PID1: variants seen among roughly 807,000 people sequenced by gnomAD.
PID1 encodes phosphotyrosine interaction domain containing 1.
In PID1, 10 loss-of-function variants were observed where a neutral mutation model predicts 19.1. The ratio of observed to expected loss-of-function variants is 0.52; its 90% CI spans 0.32 to 0.89. The LOEUF (loss-of-function observed/expected upper bound fraction) is 0.89. PID1 is among the 40% of genes least tolerant of loss of function. The probability of loss-of-function intolerance (pLI) is 0.03; values close to 1 mark genes in which losing one functional copy is unlikely to be tolerated. For synonymous variants in PID1, 130 were observed against 116.0 expected (o/e 1.12, Z -0.78); for missense variants, 248 against 285.3 (o/e 0.87, Z 0.94).
At chr2:229,040,057 A>G (rs188421166) in intron 2 of PID1, among the ~76,000 whole-genome samples, 3 of 151,976 alleles carry the variant, frequency 2.0e-5, no homozygotes, top group African/African-American at 7.2e-5. Flanking sequence ...TCCACGTGTG[A>G]AAAGGAGTGA....
At chr2:229,175,286 A>G (rs936641451) in intron 1 of PID1, among the ~76,000 whole-genome samples, 2 of 152,166 alleles carry the variant, frequency 1.3e-5, no homozygotes, top group African/African-American at 2.4e-5. Flanking sequence ...AGATTCTCAT[A>G]CCACAGTCTG....
chr2:229,065,125 C>T (rs995433339), intron 2 of PID1, among the ~76,000 whole-genome samples: 5 of 152,168 alleles, frequency 3.3e-5, no homozygotes, highest in Non-Finnish European at 1.5e-5. Flanking sequence ...CAAGAAAGAC[C>T]TTGGCTGAAT....
At position 229,033,288 on chromosome 2, in the gene PID1, T is replaced by C. The variant is rs148576380; in HGVS notation, c.178-7180A>G. ...CTGCTTTCCTGGAGTTCTTCGACTT[T>C]CCAAGCTGGATGAGCCCAGCTTCAC... On this transcript the variant is annotated intron_variant, in intron 2 of 2. Coordinates refer to ENST00000392055, the MANE Select transcript of PID1 (RefSeq NM_001100818.2). Among the ~76,000 whole-genome samples the C allele has an allele frequency of 3.5e-3, 538 of 152,312 alleles. 2 individuals are homozygous for C. Among genetic ancestry groups the C allele is most frequent in the Non-Finnish European group, 5.8e-3 (392 of 68,030 alleles).
chr2:229,068,477 A>G (rs771209330), intron 2 of PID1, among the ~76,000 whole-genome samples: 4 of 152,218 alleles, frequency 2.6e-5, no homozygotes, highest in Non-Finnish European at 5.9e-5. Flanking sequence ...GAAAACAAGC[A>G]CACTTTACAA....
At chr2:229,220,635 A>G (rs1691946986) in intron 1 of PID1, among the ~76,000 whole-genome samples, 1 of 152,106 alleles carries the variant, frequency 6.6e-6, no homozygotes, top group East Asian at 1.9e-4. Flanking sequence ...CCCCTGCACA[A>G]CCTGGGTCTT....
At chr2:229,035,725 C>A (rs950843498) in intron 2 of PID1, among the ~76,000 whole-genome samples, 1 of 152,110 alleles carries the variant, frequency 6.6e-6, no homozygotes, top group East Asian at 1.9e-4. Flanking sequence ...ATTCAGACAC[C>A]TTAGTTTCCA....
At chr2:229,130,414 G>C (rs1478828589) in intron 2 of PID1, among the ~76,000 whole-genome samples, 2 of 152,158 alleles carry the variant, frequency 1.3e-5, no homozygotes, top group African/African-American at 4.8e-5. Context: ...AAAGTTCTGA[G>C]TTTACTTTTT....
At chr2:229,039,512 G>C (rs1381101183) in intron 2 of PID1, among the ~76,000 whole-genome samples, 2 of 152,100 alleles carry the variant, frequency 1.3e-5, no homozygotes, top group Non-Finnish European at 2.9e-5. Flanking sequence ...TATATCCCTT[G>C]CAACTATTTA....
intron 1 of PID1, among the ~76,000 whole-genome samples, chr2:229,191,226 T>C (rs1287910380): frequency 6.6e-6 from 1 of 152,098 alleles, no homozygotes; most frequent in African/African-American, 2.4e-5. Flanking sequence ...GAAAATGTCA[T>C]GTGTCTTTTG....
intron 2 of PID1, among the ~76,000 whole-genome samples, chr2:229,058,888 C>T (rs1026791250): frequency 6.6e-6 from 1 of 151,910 alleles, no homozygotes; most frequent in Non-Finnish European, 1.5e-5. Flanking sequence ...TTCAGAAGTC[C>T]GTGGAAAGTG....
intron 2 of PID1, among the ~76,000 whole-genome samples, chr2:229,040,196 A>G (rs561400710): frequency 6.6e-6 from 1 of 151,842 alleles, no homozygotes; most frequent in Non-Finnish European, 1.5e-5. Context: ...AGGAGGGCGG[A>G]TCACCTGAGG....
intron 1 of PID1, among the ~76,000 whole-genome samples, chr2:229,198,656 G>C (rs1218237655): frequency 6.6e-6 from 1 of 151,982 alleles, no homozygotes; most frequent in Non-Finnish European, 1.5e-5. Flanking sequence ...TCAGCTATTT[G>C]TTTCAGCTAA....
At chr2:229,238,725 G>T (rs913414109) in intron 1 of PID1, among the ~76,000 whole-genome samples, 1 of 152,006 alleles carries the variant, frequency 6.6e-6, no homozygotes, top group Non-Finnish European at 1.5e-5. Flanking sequence ...GGGAAGACAT[G>T]GGCAGGGATA....
intron 1 of PID1, among the ~76,000 whole-genome samples, chr2:229,164,079 T>C (rs1215605788): frequency 1.3e-5 from 2 of 152,192 alleles, no homozygotes; most frequent in Non-Finnish European, 2.9e-5. Flanking sequence ...AACTGCCTTA[T>C]TGACCTAGGG....
intron 2 of PID1, among the ~76,000 whole-genome samples, chr2:229,102,282 G>A (rs1369528335): frequency 6.6e-6 from 1 of 150,428 alleles, no homozygotes; most frequent in Non-Finnish European, 1.5e-5. Flanking sequence ...TCTATAACAA[G>A]TTAAAAAAAA....
intron 2 of PID1, among the ~76,000 whole-genome samples, chr2:229,083,135 C>A (rs1694700355): frequency 6.6e-6 from 1 of 152,136 alleles, no homozygotes; most frequent in Non-Finnish European, 1.5e-5. Flanking sequence ...ATTGTAGGAA[C>A]AATCTTTTCC....
At chr2:229,210,260 C>A (rs1169005552) in intron 1 of PID1, among the ~76,000 whole-genome samples, 2 of 151,756 alleles carry the variant, frequency 1.3e-5, no homozygotes, top group African/African-American at 2.4e-5. Context: ...CGCCTGTAAT[C>A]CCAGCACTTT....
intron 2 of PID1, among the ~76,000 whole-genome samples, chr2:229,122,548 C>A (rs1367546637): frequency 6.6e-6 from 1 of 152,084 alleles, no homozygotes; most frequent in Non-Finnish European, 1.5e-5. Flanking sequence ...ACCAAGACCA[C>A]ACCAAGGCAG....
chr2:229,227,408 T>A (rs1036489027), intron 1 of PID1, among the ~76,000 whole-genome samples: 11 of 152,214 alleles, frequency 7.2e-5, no homozygotes, highest in African/African-American at 2.4e-4. Context: ...TTGGGTCAAA[T>A]TACTTATGTC....
Sources: allele counts gnomAD v4.1 joint callset (sites outside exome capture counted in the v4.1 genomes callset), GRCh38; gene constraint gnomAD v4.1.1; transcripts MANE v1.5; gene names NCBI Gene and HGNC (gene_info 2026-07-23, HGNC 2026-07-21).